The following CHST9 variants were observed in gnomAD, a reference collection of about 807,000 sequenced individuals.
The protein encoded by CHST9 is carbohydrate sulfotransferase 9.
CHST9 carries 41 observed loss-of-function variants against 44.4 expected under a neutral mutation model. The ratio of observed to expected loss-of-function variants is 0.92; its 90% CI spans 0.72 to 1.20. The LOEUF (loss-of-function observed/expected upper bound fraction) is 1.20, where lower values mean the gene tolerates loss of function less well. Ranked by LOEUF, CHST9 falls within the 50% of genes most tolerant of loss-of-function variation. The pLI is 0.00. For synonymous variants in CHST9, 171 were observed against 178.4 expected, an observed-to-expected ratio of 0.96 and a Z score of 0.33; for missense variants, 504 against 516.5, an observed-to-expected ratio of 0.98 and a Z score of 0.23.
intron 1 of CHST9, among the ~76,000 whole-genome samples, chr18:27,172,889 T>C (rs1346081505): frequency 6.6e-6 from 1 of 152,022 alleles, no homozygotes; most frequent in African/African-American, 2.4e-5. Context: ...GCTACATGTT[T>C]TCTTTTTATC....
chr18:26,917,430 T>C (rs2055557596), intron 5 of CHST9, 80 bp from the exon 6 acceptor site: 1 of 1,461,600 alleles, frequency 6.8e-7, no homozygotes, highest in Non-Finnish European at 9.2e-7. Flanking sequence ...CACATATTTG[T>C]TTTAAAATAG....
chr18:26,920,282 A>C (rs1464461145), intron 5 of CHST9, among the ~76,000 whole-genome samples: 2 of 152,102 alleles, frequency 1.3e-5, no homozygotes, highest in African/African-American at 4.8e-5. Context: ...TTCTTTGACC[A>C]CTTTTCACTG....
intron 4 of CHST9, among the ~76,000 whole-genome samples, chr18:26,994,585 T>C (rs1465400140): frequency 1.3e-5 from 2 of 152,136 alleles, no homozygotes; most frequent in Non-Finnish European, 2.9e-5. Context: ...ATTTATTGAT[T>C]CTTTTTTTGC....
chr18:26,987,764 A>C (rs2056771079), intron 4 of CHST9, among the ~76,000 whole-genome samples: 1 of 152,104 alleles, frequency 6.6e-6, no homozygotes, highest in East Asian at 1.9e-4. Context: ...AGCCCTGATG[A>C]GTGGATTAGT....
At chr18:26,968,007 C>T (rs1048912474) in intron 4 of CHST9, among the ~76,000 whole-genome samples, 1 of 152,200 alleles carries the variant, frequency 6.6e-6, no homozygotes, top group Non-Finnish European at 1.5e-5. Context: ...GGCTCTCAGG[C>T]CTTCGGCCGC....
intron 2 of CHST9, among the ~76,000 whole-genome samples, chr18:27,135,958 C>A (rs1346905341): frequency 6.6e-6 from 1 of 152,178 alleles, no homozygotes; most frequent in Non-Finnish European, 1.5e-5. Context: ...GGTACAGAGA[C>A]TCTGGATCAG....
intron 5 of CHST9, among the ~76,000 whole-genome samples, chr18:26,940,119 T>A (rs9948561): frequency 0.18 from 27,718 of 152,148 alleles, 2,644 homozygotes; most frequent in East Asian, 0.24. Context: ...TCACTCTTTT[T>A]TTGGTCTATC....
At chr18:26,923,799 T>C (rs2055708162) in intron 5 of CHST9, among the ~76,000 whole-genome samples, 1 of 152,210 alleles carries the variant, frequency 6.6e-6, no homozygotes, top group Non-Finnish European at 1.5e-5. Flanking sequence ...AGGTCAGGTA[T>C]TTGGAAAACA....
chr18:27,010,007 A>G (rs1016494348), intron 4 of CHST9, among the ~76,000 whole-genome samples: 4 of 152,224 alleles, frequency 2.6e-5, no homozygotes, highest in Non-Finnish European at 1.5e-5. Context: ...TTTCACTTAT[A>G]TCTAACCCTC....
At chr18:27,058,492 A>G (rs897400006) in intron 2 of CHST9, among the ~76,000 whole-genome samples, 1 of 152,170 alleles carries the variant, frequency 6.6e-6, no homozygotes, top group Admixed American at 6.6e-5. Flanking sequence ...TGTTTTTCCA[A>G]TCCCTAAGCT....
chr18:27,063,652 G>C (rs773227378), intron 2 of CHST9, among the ~76,000 whole-genome samples: 18 of 152,026 alleles, frequency 1.2e-4, no homozygotes, highest in East Asian at 5.8e-4. Context: ...TTCCTTTGTT[G>C]TGCAAAATAT....
intron 4 of CHST9, among the ~76,000 whole-genome samples, chr18:27,017,822 T>C (rs939533821): frequency 6.6e-6 from 1 of 152,232 alleles, no homozygotes; most frequent in African/African-American, 2.4e-5. Context: ...GATTCTATTA[T>C]TTTGTTTAAA....
chr18:26,944,227 A>T (rs2145117016), intron 5 of CHST9, 102 bp downstream of exon 5: 1 of 870,176 alleles, frequency 1.1e-6, no homozygotes, highest in Admixed American at 2.0e-5. Context: ...TATTGCTCAT[A>T]ACTAACAGCT....
At chr18:27,089,917 T>A (rs1207021734) in intron 2 of CHST9, among the ~76,000 whole-genome samples, 1 of 151,564 alleles carries the variant, frequency 6.6e-6, no homozygotes, top group African/African-American at 2.4e-5. Context: ...TTCACGCCGT[T>A]CTCCTGCCTC....
At chr18:27,011,214 T>C (rs1368823246) in intron 4 of CHST9, among the ~76,000 whole-genome samples, 1 of 152,220 alleles carries the variant, frequency 6.6e-6, no homozygotes, top group East Asian at 1.9e-4. Context: ...CCTATAATCA[T>C]ATGCATTAAT....
chr18:27,104,841 T>A (rs1382565320), intron 2 of CHST9, among the ~76,000 whole-genome samples: 1 of 152,144 alleles, frequency 6.6e-6, no homozygotes, highest in East Asian at 1.9e-4. Flanking sequence ...TTTTGAATAC[T>A]TGAAAAAAAA....
At chr18:27,117,634 A>G (rs1377403304) in intron 2 of CHST9, among the ~76,000 whole-genome samples, 1 of 152,148 alleles carries the variant, frequency 6.6e-6, no homozygotes, top group Non-Finnish European at 1.5e-5. Flanking sequence ...TATTGTTGGA[A>G]TCATACAGTA....
At chr18:27,049,730 A>G (rs77592080) in intron 2 of CHST9, among the ~76,000 whole-genome samples, 11,440 of 152,176 alleles carry the variant, frequency 0.075, 750 homozygotes, top group African/African-American at 0.17. Flanking sequence ...AACATTCTCT[A>G]AGACTGACCA....
At chr18:27,086,656 A>G (rs1295612719) in intron 2 of CHST9, among the ~76,000 whole-genome samples, 1 of 152,230 alleles carries the variant, frequency 6.6e-6, no homozygotes, top group Non-Finnish European at 1.5e-5. Context: ...AGTGCTTAAT[A>G]TGAAACTAAA....
Sources: allele counts gnomAD v4.1 joint callset (sites outside exome capture counted in the v4.1 genomes callset), GRCh38; gene constraint gnomAD v4.1.1; transcripts MANE v1.5; gene names NCBI Gene and HGNC (gene_info 2026-07-23, HGNC 2026-07-21).